Variants in SH3GL2 observed in about 807,000 individuals in gnomAD.
SH3GL2 encodes SH3 domain containing GRB2 like 2, endophilin A1, also known as endophilin-A1.
In SH3GL2, 24 loss-of-function variants were observed where a neutral mutation model predicts 46.0. That is an observed-to-expected ratio of 0.52 (90% CI 0.38 to 0.73). The LOEUF is 0.73. Among genes scored for constraint, SH3GL2 ranks in the 30% least tolerant of loss-of-function variants. The pLI is 0.00. For missense variants in SH3GL2, 413 were observed against 424.2 expected, an observed-to-expected ratio of 0.97 and a Z score of 0.23; for synonymous variants, 196 against 147.1, an observed-to-expected ratio of 1.33 and a Z score of -2.40.
At chr9:17,741,610 A>C (rs1822530251) in intron 1 of SH3GL2, among the ~76,000 whole-genome samples, 1 of 152,184 alleles carries the variant, frequency 6.6e-6, no homozygotes, top group Non-Finnish European at 1.5e-5. Context: ...ACTCATAGTT[A>C]AGGGTCCTTA....
chr9:17,731,777 T>C (rs1403225524), intron 1 of SH3GL2, among the ~76,000 whole-genome samples: 4 of 152,304 alleles, frequency 2.6e-5, no homozygotes, highest in Non-Finnish European at 5.9e-5. Context: ...GCCAGTGTCT[T>C]CAGCTTCATC....
At chr9:17,738,653 G>T (rs1162294420) in intron 1 of SH3GL2, among the ~76,000 whole-genome samples, 25 of 110,324 alleles carry the variant, frequency 2.3e-4, no homozygotes, top group African/African-American at 6.5e-4. Context: ...GAGAGAGAGA[G>T]AGAGAGAGAG....
At chr9:17,609,039 G>A (rs913844467) in intron 1 of SH3GL2, among the ~76,000 whole-genome samples, 4 of 152,182 alleles carry the variant, frequency 2.6e-5, no homozygotes, top group African/African-American at 7.2e-5. Flanking sequence ...CACCGCTGGG[G>A]GAATGGGGGA....
intron 1 of SH3GL2, among the ~76,000 whole-genome samples, chr9:17,641,278 G>C (rs1035935457): frequency 1.3e-5 from 2 of 152,044 alleles, no homozygotes; most frequent in Admixed American, 6.6e-5. Context: ...ACTATTCCTG[G>C]AGTGTATGTT....
intron 3 of SH3GL2, among the ~76,000 whole-genome samples, chr9:17,761,855 G>A (rs1823184638): frequency 6.6e-6 from 1 of 152,152 alleles, no homozygotes; most frequent in African/African-American, 2.4e-5. Context: ...GATAGTTTAA[G>A]GTAAGATATA....
intron 1 of SH3GL2, among the ~76,000 whole-genome samples, chr9:17,640,959 G>C (rs928271751): frequency 6.6e-6 from 1 of 152,114 alleles, no homozygotes; most frequent in Non-Finnish European, 1.5e-5. Flanking sequence ...CTTCCTGATA[G>C]AGATTATCTA....
chr9:17,722,111 G>A (rs934677129), intron 1 of SH3GL2, among the ~76,000 whole-genome samples: 14 of 152,072 alleles, frequency 9.2e-5, no homozygotes, highest in Non-Finnish European at 1.5e-4. Flanking sequence ...AGGTGGTGAG[G>A]AAGTGAAAGA....
At chr9:17,666,713 T>A (rs1331268996) in intron 1 of SH3GL2, among the ~76,000 whole-genome samples, 8 of 152,112 alleles carry the variant, frequency 5.3e-5, no homozygotes. Flanking sequence ...AACACTGTAG[T>A]GGATAACCTA....
intron 1 of SH3GL2, among the ~76,000 whole-genome samples, chr9:17,649,423 A>G (rs933810271): frequency 6.6e-6 from 1 of 152,172 alleles, no homozygotes; most frequent in Admixed American, 6.6e-5. Context: ...TAAACCACTC[A>G]CATTAGCTTA....
At chr9:17,772,909 G>T (rs144537639) in intron 3 of SH3GL2, among the ~76,000 whole-genome samples, 1 of 152,054 alleles carries the variant, frequency 6.6e-6, no homozygotes, top group African/African-American at 2.4e-5. Flanking sequence ...TATTTCTGAG[G>T]TACCACTGTG....
chr9:17,791,454 A>G, intron 7 of SH3GL2, 120 bp downstream of exon 7: 2 of 704,476 alleles, frequency 2.8e-6, no homozygotes, highest in Non-Finnish European at 5.0e-6. Flanking sequence ...CGCTTATCCT[A>G]CAGAGGCGCC....
At chr9:17,723,491 T>G (rs552462642) in intron 1 of SH3GL2, among the ~76,000 whole-genome samples, 1 of 152,268 alleles carries the variant, frequency 6.6e-6, no homozygotes, top group African/African-American at 2.4e-5. Flanking sequence ...CACTGCCAGG[T>G]GTGGTTGAGA....
chr9:17,593,228 G>A (rs1167128102), intron 1 of SH3GL2, among the ~76,000 whole-genome samples: 1 of 152,212 alleles, frequency 6.6e-6, no homozygotes, highest in Admixed American at 6.5e-5. Context: ...TGAATCACAG[G>A]AGGGAGTTGT....
intron 1 of SH3GL2, among the ~76,000 whole-genome samples, chr9:17,677,497 G>A (rs1260742669): frequency 1.3e-5 from 2 of 152,034 alleles, no homozygotes; most frequent in East Asian, 1.9e-4. Context: ...TTAAATGAAT[G>A]AATGATTATT....
intron 1 of SH3GL2, among the ~76,000 whole-genome samples, chr9:17,635,919 C>G (rs759565451): frequency 6.6e-6 from 1 of 152,186 alleles, no homozygotes; most frequent in Admixed American, 6.5e-5. Flanking sequence ...ATTTATCAGC[C>G]TGGTCACAGC....
chr9:17,730,018 G>C (rs903670248), intron 1 of SH3GL2, among the ~76,000 whole-genome samples: 1 of 152,066 alleles, frequency 6.6e-6, no homozygotes, highest in African/African-American at 2.4e-5. Context: ...GCAGCTTGAT[G>C]GGAATAGCAC....
intron 1 of SH3GL2, among the ~76,000 whole-genome samples, chr9:17,662,997 C>A (rs1359503144): frequency 3.9e-5 from 6 of 152,168 alleles, no homozygotes. Flanking sequence ...GCCACCGTGC[C>A]CAGCTGGCTA....
intron 4 of SH3GL2, 77 bp downstream of exon 4, chr9:17,786,601 G>T: frequency 6.9e-7 from 1 of 1,447,694 alleles, no homozygotes; most frequent in Non-Finnish European, 9.6e-7. Flanking sequence ...ATTCTGTAGG[G>T]AATCGGTCAA....
chr9:17,584,155 G>A (rs1818326947), intron 1 of SH3GL2, among the ~76,000 whole-genome samples: 1 of 152,116 alleles, frequency 6.6e-6, no homozygotes, highest in Non-Finnish European at 1.5e-5. Flanking sequence ...CCCTTAGCCT[G>A]TTACCAGATT....
Sources: gnomAD v4.1 joint callset for allele counts (sites outside exome capture counted in the v4.1 genomes callset) on GRCh38, gnomAD v4.1.1 for gene constraint, MANE v1.5 for transcripts, NCBI Gene and HGNC (gene_info 2026-07-23, HGNC 2026-07-21) for gene names.